Variants in UBR4 observed in about 807,000 individuals in gnomAD.
UBR4 encodes E3 ubiquitin-protein ligase UBR4.
UBR4 carries 124 observed loss-of-function variants against 575.6 expected under a neutral mutation model. That is an observed-to-expected ratio of 0.22 (90% confidence interval 0.19 to 0.25). The LOEUF (loss-of-function observed/expected upper bound fraction) is 0.25, where lower values mean the gene tolerates loss of function less well. Among genes scored for constraint, UBR4 ranks in the 10% least tolerant of loss-of-function variants. UBR4 has a pLI of 1.00. For synonymous variants in UBR4, 2,455 were observed against 2,473.7 expected (o/e 0.99, Z 0.22); for missense variants, 4,818 against 6,478.8 (o/e 0.74, Z 8.80).
intron 83 of UBR4, among the ~76,000 whole-genome samples, chr1:19,106,166 A>C (rs551778867): frequency 6.6e-6 from 1 of 152,236 alleles, no homozygotes; most frequent in Non-Finnish European, 1.5e-5. Context: ...TTATATGCTG[A>C]ATACTTTCAT....
intron 8 of UBR4, 31 bp downstream of exon 8, chr1:19,197,110 G>A: frequency 6.2e-7 from 1 of 1,610,320 alleles, no homozygotes; most frequent in Non-Finnish European, 8.5e-7. Flanking sequence ...GCTTGACTGA[G>A]AAAATGAGAC....
intron 60 of UBR4, among the ~76,000 whole-genome samples, chr1:19,134,641 A>G (rs543942848): frequency 2.0e-5 from 3 of 152,160 alleles, no homozygotes; most frequent in African/African-American, 4.8e-5. Flanking sequence ...CTCACAGGGC[A>G]TTTGGAATAG....
rs1295534100 is a variant in UBR4 at position 19,170,868 on chromosome 1, T to C, written c.3537A>G (p.Gln1179=). ...YASFTRAYLL[Q]NFNEEGTTEK... ...CAGTTGTTCCCTCTTCATTAAAGTT[T>C]TGCAGCAAATAGGCTCTGGGGAAAA... Residue 1179 remains glutamine (Q), a synonymous_variant, in exon 26 of 106, where the codon CAA becomes CAG. Transcript: ENST00000375254. 1 of 1,614,192 alleles carries C rather than the reference T, an allele frequency of 6.2e-7. No individual in the cohort carries two copies. The highest frequency in any genetic ancestry group is 2.2e-5 in the East Asian group (1 of 44,874).
intron 28 of UBR4, among the ~76,000 whole-genome samples, chr1:19,167,442 C>T (rs1478058179): frequency 6.6e-6 from 1 of 152,080 alleles, no homozygotes; most frequent in African/African-American, 2.4e-5. Context: ...ATATCAGAAA[C>T]AAAAATCATT....
At chr1:19,104,535 C>T in intron 86 of UBR4, 50 bp downstream of exon 86, 2 of 1,593,420 alleles carry the variant, frequency 1.3e-6, no homozygotes, top group Non-Finnish European at 1.7e-6. Flanking sequence ...TAAGGGTTGT[C>T]CCTAAACAGA....
At position 19,197,717 on chromosome 1, in the gene UBR4, G is replaced by T; in HGVS notation, c.846C>A (p.Phe282Leu). ...CTGCTACTGTTGCAGGCATTATGAA[G>T]AAGGAATTAGCTAAAACTGCATCTT... Reference protein sequence around the residue: ...RFQDAVLANSFFIMPATVADA... With the variant: ...RFQDAVLANSLFIMPATVADA... Residue 282 changes from phenylalanine to leucine, a missense_variant, in exon 7 of 106, where the codon TTC becomes TTA. This residue lies in a region of UBR4 where 131 missense variants were observed against 214.5 expected (regional missense o/e 0.61). Coordinates refer to ENST00000375254, the MANE Select transcript of UBR4 (RefSeq NM_020765.3). The T allele has an allele frequency of 1.9e-6, 3 of 1,614,216 alleles. No individual in the cohort carries two copies. Among genetic ancestry groups the T allele is most frequent in the Non-Finnish European group, 2.5e-6 (3 of 1,180,046 alleles).
In UBR4 at chr1:19,106,597, T is replaced by G. The variant is rs920102288; in HGVS notation, c.12365A>C (p.Lys4122Thr). Residue 4122 changes from lysine (K) to threonine (T), a missense_variant, in exon 83 of 106, where the codon AAA (lysine) becomes ACA (threonine). By Grantham distance (78) the Lys-to-Thr change is moderately conservative. Around this residue, in one of 29 missense-constraint regions of UBR4, gnomAD observed 178 missense variants for 175.5 expected, o/e 1.01. Coordinates refer to ENST00000375254, the MANE Select transcript of UBR4 (RefSeq NM_020765.3). ...TCGCAGCCAGTTGTTATGCCCCAGT[T>G]TGAGATCCAAGGGGGAGGTCCTCTT... ...RGKRTSPLDL[K>T]LGHNNWLRQV... 1.3e-6 allele frequency: 2 copies of G among 1,584,844 alleles called. No homozygotes were observed. Among genetic ancestry groups the G allele is most frequent in the East Asian group, 2.2e-5 (1 of 44,772 alleles).
At chr1:19,105,387 C>T (rs939878079) in intron 84 of UBR4, among the ~76,000 whole-genome samples, 198 bp from the exon 85 acceptor site, 1 of 152,214 alleles carries the variant, frequency 6.6e-6, no homozygotes, top group Non-Finnish European at 1.5e-5. Flanking sequence ...ATTCAGAGCA[C>T]ACTGCAGGGA....
At chr1:19,193,378 C>T in intron 9 of UBR4, 55 bp downstream of exon 9, 1 of 1,594,088 alleles carries the variant, frequency 6.3e-7, no homozygotes, top group Admixed American at 1.7e-5. Context: ...TGGAACTGGC[C>T]ATACTCCCTC....
At chr1:19,166,167 A>G (rs1309639185) in intron 29 of UBR4, among the ~76,000 whole-genome samples, 1 of 152,266 alleles carries the variant, frequency 6.6e-6, no homozygotes, top group Non-Finnish European at 1.5e-5. Context: ...GGACTACTCA[A>G]CAACGAAGAG....
In UBR4 at chr1:19,143,882, C is replaced by T. The variant is rs976090359; in HGVS notation, c.8179+98G>A. 5 of 1,118,348 alleles carry T rather than the reference C, an allele frequency of 4.5e-6. No individual in the cohort carries two copies. In the African/African-American group the frequency reaches 4.6e-5, roughly 10 times the overall value. 69.3% of individuals were successfully genotyped at this position (1,118,348 alleles called of 1,614,324 possible). A position where few individuals can be genotyped will look rare whatever the true frequency, so the allele number is the denominator to read the frequency against. ...AGACAGATACATAAAGTCTCCAGGACCTTGGTCAACATGAGCAGCATGCCC... is the reference window on the plus strand; with the variant it reads ...AGACAGATACATAAAGTCTCCAGGATCTTGGTCAACATGAGCAGCATGCCC... On this transcript the variant is annotated intron_variant, in intron 55 of 105. Transcript: ENST00000375254.
In UBR4 at chr1:19,137,249, C is replaced by T. The variant is rs546791837; in HGVS notation, c.8906+758G>A. On this transcript the variant is annotated intron_variant, in intron 60 of 105. Transcript: ENST00000375254. The stretch of plus-strand genomic sequence containing the variant: ...TGGGAGGTTGAGGCTGCAGTGAGCA[C>T]TGTTCACACCACTGCACTCCAGCCA... Among the ~76,000 whole-genome samples, 5 of 151,060 alleles carry T rather than the reference C, an allele frequency of 3.3e-5. No homozygotes were observed. In the South Asian group the frequency reaches 1.1e-3, roughly 32 times the overall value.
chr1:19,116,758 G>A (rs888832468), intron 73 of UBR4, among the ~76,000 whole-genome samples: 1 of 152,238 alleles, frequency 6.6e-6, no homozygotes, highest in Non-Finnish European at 1.5e-5. Flanking sequence ...AGCAGATACA[G>A]AGAAAAGGCA....
At chr1:19,112,458 G>A (rs1007818450) in intron 78 of UBR4, 66 bp downstream of exon 78, 104 of 1,525,086 alleles carry the variant, frequency 6.8e-5, no homozygotes, top group Non-Finnish European at 8.1e-5. Context: ...ACTCTCTAAC[G>A]CTCCTGGCAT....
chr1:19,198,628 C>G lies in UBR4; in HGVS notation c.561G>C (p.Lys187Asn). The G allele has an allele frequency of 1.2e-6, 2 of 1,614,174 alleles. No homozygotes were observed. Among genetic ancestry groups the G allele is most frequent in the Non-Finnish European group, 1.7e-6 (2 of 1,180,020 alleles). ...GGTTCAAAAAATTCATCTGTACCTC[C>G]TTTTGCCTCAACTCAGGGCTTACTG... ...ASPVSPELRQ[K>N]EVQMNFLNQL... is the part of the protein sequence containing the mutation. The change falls in exon 5 of 106, where the codon AAG (lysine) becomes AAC (asparagine). Residue 187 changes from lysine to asparagine, a missense_variant. Lys to Asn is a moderately conservative substitution (Grantham distance 94). This residue lies in a region of UBR4 where 83 missense variants were observed against 77.3 expected (regional missense o/e 1.07). Transcript: ENST00000375254.
At chr1:19,135,795 ATAAGAT>A (rs2083138621) in intron 60 of UBR4, among the ~76,000 whole-genome samples, 1 of 152,206 alleles carries the variant, frequency 6.6e-6, no homozygotes, top group Admixed American at 6.5e-5. Context: ...AGAATATCTG[ATAAGAT>A]TAATAGATGA....
rs1409338862 is a variant in UBR4, at chr1:19,094,080, G to A, written c.13806C>T (p.Asn4602=). The change falls in exon 95 of 106, where the codon AAC becomes AAT. Residue 4602 remains asparagine, a synonymous_variant. Transcript: ENST00000375254. ...DQLVMLLDQI[N]STFVRSNPSV... ...TGGGGTTGGAGCGAACAAAGGTGCT[G>A]TTGATCTGGTCCAAGAGCATCACCA... 10 of 1,613,990 alleles carry A rather than the reference G, an allele frequency of 6.2e-6. No individual in the cohort carries two copies. The African/African-American group carries it at 1.2e-4, about 19-fold the overall frequency.
rs775930831 is a variant in UBR4 at position 19,117,248 on chromosome 1, A to G, written c.10796T>C (p.Val3599Ala). Residue 3599 changes from valine (V) to alanine (A), a missense_variant, in exon 73 of 106, where the codon GTG becomes GCG. By Grantham distance (64) the Val-to-Ala change is moderately conservative. Around this residue, in one of 29 missense-constraint regions of UBR4, gnomAD observed 550 missense variants for 791.5 expected, o/e 0.69. Coordinates refer to ENST00000375254, the MANE Select transcript of UBR4 (RefSeq NM_020765.3). The surrounding 1 kb of genome is among the most constrained non-coding windows in gnomAD (Gnocchi z 4.0). ...TINLYYNNRT[V>A]QAIVELKNKP... ...GTTTTTCAACTCCACGATGGCCTGCACGGTTCGGTTGTTATAATACAGGTT... is the reference window on the plus strand; with the variant it reads ...GTTTTTCAACTCCACGATGGCCTGCGCGGTTCGGTTGTTATAATACAGGTT... 12 of 1,613,912 alleles carry G rather than the reference A, an allele frequency of 7.4e-6. No individual in the cohort carries two copies. Among genetic ancestry groups the G allele is most frequent in the Non-Finnish European group, 8.5e-6 (10 of 1,180,002 alleles).
chr1:19,151,524 A>C (rs1368943462), intron 48 of UBR4, 119 bp downstream of exon 48: 2 of 1,113,628 alleles, frequency 1.8e-6, no homozygotes, highest in South Asian at 1.3e-5. Flanking sequence ...TTCCTGATGA[A>C]AGGACAGAAA....
Sources: allele counts gnomAD v4.1 joint callset (sites outside exome capture counted in the v4.1 genomes callset), GRCh38; gene constraint gnomAD v4.1.1; regional missense constraint gnomAD v4.1.1; non-coding constraint Gnocchi (gnomAD v3.1); transcripts MANE v1.5; gene names NCBI Gene and HGNC (gene_info 2026-07-23, HGNC 2026-07-21).